Variants in NHSL1 observed in about 807,000 individuals in gnomAD.
The protein encoded by NHSL1 is NHS-like protein 1.
A neutral mutation model predicts 95.0 loss-of-function variants in NHSL1; 48 were observed. The ratio of observed to expected loss-of-function variants is 0.51; its 90% CI spans 0.40 to 0.64. The LOEUF (loss-of-function observed/expected upper bound fraction) is 0.64. NHSL1 is among the 30% of genes least tolerant of loss of function. NHSL1 has a pLI of 0.00. For synonymous variants in NHSL1, 783 were observed against 833.9 expected (o/e 0.94, Z 1.05); for missense variants, 1,971 against 2,077.7 (o/e 0.95, Z 1.00).
chr6:138,455,494 G>GCCCCACCTTCACATGCTCCCTGCAAGA lies in NHSL1; in HGVS notation c.340-8302_340-8301insTCTTGCAGGGAGCATGTGAAGGTGGGG, dbSNP rs1562287545. On this transcript the variant is annotated intron_variant, in intron 3 of 7. Transcript: ENST00000343505. The stretch of plus-strand genomic sequence containing the variant: ...CCCGCCTTCACATGCTCCCTGCAAG[G>GCCCCACCTTCACATGCTCCCTGCAAGA]AGCCCCGCCTTCACATGCTCCCTGC... Among the ~76,000 whole-genome samples the GCCCCACCTTCACATGCTCCCTGCAAGA allele has an allele frequency of 3.1e-3, 248 of 78,824 alleles. 4 individuals are homozygous for GCCCCACCTTCACATGCTCCCTGCAAGA. The highest frequency in any genetic ancestry group is 0.014 in the African/African-American group (235 of 17,402). 51.7% of individuals were successfully genotyped at this position (78,824 alleles called of 152,430 possible).
At chr6:138,523,627 GAAAA>G (rs67335375) in intron 1 of NHSL1, among the ~76,000 whole-genome samples, 8 of 64,890 alleles carry the variant, frequency 1.2e-4, no homozygotes, top group African/African-American at 1.7e-4. Context: ...TTTTAAAGAG[GAAAA>G]AAAAAAAAAA....
intron 7 of NHSL1, among the ~76,000 whole-genome samples, chr6:138,428,715 T>G (rs2128192740): frequency 6.6e-6 from 1 of 152,260 alleles, no homozygotes; most frequent in South Asian, 2.1e-4. Flanking sequence ...GTCCAAGAAT[T>G]GGGAAAGCAG....
intron 4 of NHSL1, 165 bp downstream of exon 4, chr6:138,446,836 C>T (rs748171363): frequency 1.8e-5 from 12 of 652,034 alleles, no homozygotes; most frequent in Non-Finnish European, 3.1e-5. Context: ...ATTTTATATG[C>T]ACACACATAT....
At chr6:138,474,784 A>C (rs1393072382) in intron 2 of NHSL1, among the ~76,000 whole-genome samples, 1 of 152,154 alleles carries the variant, frequency 6.6e-6, no homozygotes, top group East Asian at 1.9e-4. Flanking sequence ...TATTAATCTA[A>C]CTCTTTATAA....
intron 3 of NHSL1, among the ~76,000 whole-genome samples, chr6:138,450,770 A>C (rs898860428): frequency 9.2e-5 from 14 of 152,200 alleles, no homozygotes; most frequent in African/African-American, 3.1e-4. Context: ...TAGGTCTCAC[A>C]ATCTACTAGA....
At chr6:138,474,913 C>T (rs1778970959) in intron 2 of NHSL1, among the ~76,000 whole-genome samples, 1 of 152,096 alleles carries the variant, frequency 6.6e-6, no homozygotes, top group Admixed American at 6.6e-5. Flanking sequence ...CTTTGGGAGG[C>T]CAAGGCAGGA....
At chr6:138,511,682 T>C (rs1045355987) in intron 1 of NHSL1, among the ~76,000 whole-genome samples, 1 of 152,106 alleles carries the variant, frequency 6.6e-6, no homozygotes, top group Non-Finnish European at 1.5e-5. Flanking sequence ...ACGCCTGTAA[T>C]AACAGCACTT....
upstream of NHSL1, among the ~76,000 whole-genome samples, chr6:138,546,913 T>C (rs1782821553): frequency 6.6e-6 from 1 of 152,204 alleles, no homozygotes; most frequent in Admixed American, 6.5e-5. Context: ...CCACAAATAC[T>C]GCCTCAGGAG....
At chr6:138,493,406 T>A (rs1468276749) in intron 2 of NHSL1, among the ~76,000 whole-genome samples, 2 of 152,222 alleles carry the variant, frequency 1.3e-5, no homozygotes, top group Non-Finnish European at 2.9e-5. Flanking sequence ...ATGTACTGCA[T>A]ATTCAAAAAG....
At chr6:138,520,902 T>A (rs1332206886) in intron 1 of NHSL1, among the ~76,000 whole-genome samples, 14 of 152,188 alleles carry the variant, frequency 9.2e-5, no homozygotes, top group African/African-American at 2.9e-4. Context: ...GGATTGGATA[T>A]AATTTGGAGG....
intron 1 of NHSL1, among the ~76,000 whole-genome samples, chr6:138,605,839 G>C (rs1784426289): frequency 6.6e-6 from 1 of 152,180 alleles, no homozygotes; most frequent in Non-Finnish European, 1.5e-5. Flanking sequence ...CAGGTCTCTT[G>C]AATAGCTATC....
chr6:138,566,868 T>C (rs991375021), intron 1 of NHSL1, among the ~76,000 whole-genome samples: 5 of 152,274 alleles, frequency 3.3e-5, no homozygotes, highest in African/African-American at 9.6e-5. Context: ...TTTCACAGAA[T>C]GTCAACTTCA....
At chr6:138,501,408 TAAA>T (rs1176505289), upstream of NHSL1, among the ~76,000 whole-genome samples, 1 of 151,856 alleles carries the variant, frequency 6.6e-6, no homozygotes, top group Non-Finnish European at 1.5e-5. Flanking sequence ...ACAGACAAAA[TAAA>T]AAAGTTAAGC....
At chr6:138,674,011 G>C (rs1379676671) in intron 1 of NHSL1, among the ~76,000 whole-genome samples, 2 of 152,100 alleles carry the variant, frequency 1.3e-5, no homozygotes, top group African/African-American at 4.8e-5. Context: ...ATGTTTTCTT[G>C]TATTTTATCA....
At chr6:138,461,596 G>A (rs1468112884) in intron 3 of NHSL1, among the ~76,000 whole-genome samples, 3 of 152,170 alleles carry the variant, frequency 2.0e-5, no homozygotes, top group Non-Finnish European at 4.4e-5. Flanking sequence ...ATTTGGCAAC[G>A]TGGAGGTGAC....
At chr6:138,602,702 T>C (rs940781643) in intron 1 of NHSL1, among the ~76,000 whole-genome samples, 1 of 152,240 alleles carries the variant, frequency 6.6e-6, no homozygotes, top group Non-Finnish European at 1.5e-5. Flanking sequence ...GATTTACAAA[T>C]GTTTGTTTCA....
intron 1 of NHSL1, among the ~76,000 whole-genome samples, chr6:138,564,599 G>GTT (rs1460467579): frequency 1.3e-5 from 2 of 151,902 alleles, no homozygotes; most frequent in Non-Finnish European, 2.9e-5. Flanking sequence ...AGTCCCAGAT[G>GTT]TGTTAAGTTT....
chr6:138,590,423 C>T (rs77517876), intron 1 of NHSL1, among the ~76,000 whole-genome samples: 3,112 of 152,280 alleles, frequency 0.02, 41 homozygotes, highest in East Asian at 0.066. Context: ...GAGTCAAGCC[C>T]CTCCTTTCTC....
At chr6:138,527,391 T>TA (rs1012855482) in intron 1 of NHSL1, among the ~76,000 whole-genome samples, 2 of 151,926 alleles carry the variant, frequency 1.3e-5, no homozygotes, top group Non-Finnish European at 2.9e-5. Flanking sequence ...CCAAAAAATT[T>TA]AAAAAAAAGT....
Sources: gnomAD v4.1 joint callset for allele counts (sites outside exome capture counted in the v4.1 genomes callset) on GRCh38, gnomAD v4.1.1 for gene constraint, MANE v1.5 for transcripts, NCBI Gene and HGNC (gene_info 2026-07-23, HGNC 2026-07-21) for gene names.